ACTG1: variants seen among roughly 807,000 people sequenced by gnomAD.
ACTG1 encodes actin, cytoplasmic 2.
In ACTG1, 14 loss-of-function variants were observed where a neutral mutation model predicts 34.3. The observed-to-expected ratio is 0.41, with a 90% CI of 0.27 to 0.64. ACTG1 has a LOEUF of 0.64. Among genes scored for constraint, ACTG1 ranks in the 30% least tolerant of loss-of-function variants. The pLI is 0.33. For missense variants in ACTG1, 233 were observed against 529.5 expected, an observed-to-expected ratio of 0.44 and a Z score of 5.50; for synonymous variants, 422 against 213.9, an observed-to-expected ratio of 1.97 and a Z score of -8.49.
At chr17:81,511,818 G>C (rs143884334) in intron 3 of ACTG1, 85 bp downstream of exon 3, 26 of 1,602,496 alleles carry the variant, frequency 1.6e-5, no homozygotes, top group East Asian at 4.5e-5. Flanking sequence ...AACAGCGAAA[G>C]AAACACTTAA....
At position 81,510,894 on chromosome 17, in the gene ACTG1, G is replaced by A. The variant is rs1416178176; in HGVS notation, c.984+33C>T. ...AGCGCCCCCCAGTCAGCTCTCCCGA[G>A]CCAGGCAGAGGGCCACCAACCCCTC... On this transcript the variant is annotated intron_variant, in intron 5 of 5. Coordinates refer to ENST00000573283, the MANE Select transcript of ACTG1 (RefSeq NM_001614.5). 9 of 1,613,610 alleles carry A rather than the reference G, an allele frequency of 5.6e-6. No homozygotes were observed. In the African/African-American group the frequency reaches 1.1e-4, roughly 19 times the overall value.
Position 81,512,380 on chromosome 17 carries a change from C to G in ACTG1, c.-6-20G>C, listed in dbSNP as rs782349588. On this transcript the variant is annotated intron_variant, in intron 1 of 5. Transcript: ENST00000573283. ...TGCGACCTGCCCGGAAAAGGATGGA[C>G]TCAGGCGGGCGCGTCTGTAACACGG... 1 of 1,613,834 alleles carries G rather than the reference C, an allele frequency of 6.2e-7. No homozygotes were observed. Among genetic ancestry groups the G allele is most frequent in the Non-Finnish European group, 8.5e-7 (1 of 1,179,936 alleles).
rs1251362915 is a variant in ACTG1 at position 81,512,718 on chromosome 17, G to T, written c.-7+16C>A. The T allele has an allele frequency of 2.5e-6, 1 of 406,774 alleles. No individual in the cohort carries two copies. Among genetic ancestry groups the T allele is most frequent in the Non-Finnish European group, 4.7e-6 (1 of 212,026 alleles). The allele number at this position is 406,774 out of a possible 1,614,324, so 25.2% of individuals were successfully genotyped here. A position where few individuals can be genotyped will look rare whatever the true frequency, so the allele number is the denominator to read the frequency against. ...GCCTGCGACGTCCAGCTCAGGCCCC[G>T]GGGCGGGGCGCTCACCGGCAGAGAA... On this transcript the variant is annotated intron_variant, in intron 1 of 5. Coordinates refer to ENST00000573283, the MANE Select transcript of ACTG1 (RefSeq NM_001614.5).
At chr17:81,511,816 A>G (rs2031808948) in intron 3 of ACTG1, 87 bp downstream of exon 3, 1 of 1,602,056 alleles carries the variant, frequency 6.2e-7, no homozygotes, top group East Asian at 2.2e-5. Context: ...GGAACAGCGA[A>G]AGAAACACTT....
chr17:81,510,516 A>G lies in ACTG1; in HGVS notation c.*174T>C, dbSNP rs1242109322. ...TTAACTTCAATACAAGGTCAAAATC[A>G]GCAACAAGTTCTACAATCCAGTGCT... is the stretch of plus-strand genomic sequence containing the variant. On this transcript the variant is annotated 3_prime_UTR_variant, in exon 6 of 6. Transcript: ENST00000573283. 7 of 853,312 alleles carry G rather than the reference A, an allele frequency of 8.2e-6. No homozygotes were observed. Among genetic ancestry groups the G allele is most frequent in the Non-Finnish European group, 1.9e-6 (1 of 515,302 alleles). 52.9% of individuals were successfully genotyped at this position (853,312 alleles called of 1,614,324 possible).
Position 81,511,044 on chromosome 17 carries a change from G to A in ACTG1, c.867C>T (p.Ile289=), listed in dbSNP as rs1555666502. Residue 289 remains isoleucine (I), a synonymous_variant, in exon 5 of 6, where the codon ATC becomes ATT. Coordinates refer to ENST00000573283, the MANE Select transcript of ACTG1 (RefSeq NM_001614.5). The part of the protein sequence containing the change: ...FNSIMKCDVD[I]RKDLYANTVL... Reference sequence around the variant, plus strand: ...CCGTGTTGGCGTACAGGTCTTTGCGGATGTCCACGTCACACTTCATGATGG... The same window carrying A: ...CCGTGTTGGCGTACAGGTCTTTGCGAATGTCCACGTCACACTTCATGATGG... 11 of 1,614,064 alleles carry A rather than the reference G, an allele frequency of 6.8e-6. No individual in the cohort carries two copies. Among genetic ancestry groups the A allele is most frequent in the Non-Finnish European group, 9.3e-6 (11 of 1,180,032 alleles).
intron 1 of ACTG1, 178 bp from the exon 2 acceptor site, chr17:81,512,538 C>G (rs1289929506): frequency 9.6e-6 from 10 of 1,044,606 alleles, no homozygotes; most frequent in South Asian, 1.4e-5. Flanking sequence ...GTCCACGGCT[C>G]GGAAGTCTGC....
Position 81,510,393 on chromosome 17 carries a change from C to T in ACTG1, c.*297G>A, listed in dbSNP as rs2143771022. 2 of 503,820 alleles carry T rather than the reference C, an allele frequency of 4.0e-6. No individual in the cohort carries two copies. Among genetic ancestry groups the T allele is most frequent in the Non-Finnish European group, 7.4e-6 (2 of 270,112 alleles). The allele number at this position is 503,820 out of a possible 1,614,324, so 31.2% of individuals were successfully genotyped here. On this transcript the variant is annotated 3_prime_UTR_variant, in exon 6 of 6. Coordinates refer to ENST00000573283, the MANE Select transcript of ACTG1 (RefSeq NM_001614.5). ...AAGCCACAGACTTGTCTTCCACAAG[C>T]ACGTTCTTACCTTAGCCACGAAGTG...
Position 81,510,803 on chromosome 17 carries a change from C to CCGAGTACTTG in ACTG1, c.1005_1014dup (p.Val339GlnfsTer23). The CCGAGTACTTG allele has an allele frequency of 6.2e-7, 1 of 1,614,016 alleles. No individual in the cohort carries two copies. The highest frequency in any genetic ancestry group is 8.5e-7 in the Non-Finnish European group (1 of 1,180,002). ...GCCAGGATGGAGCCACCGATCCACACCGAGTACTTGCGCTCTGGGGGTGCG... is the reference window on the plus strand; with the variant it reads ...GCCAGGATGGAGCCACCGATCCACACCGAGTACTTGCGAGTACTTGCGCTCTGGGGGTGCG... On this transcript the variant is annotated frameshift_variant, in exon 6 of 6. Coordinates refer to ENST00000573283, the MANE Select transcript of ACTG1 (RefSeq NM_001614.5). LOFTEE classifies it high-confidence loss of function.
chr17:81,510,873 C>A (rs1246380616), intron 5 of ACTG1, 40 bp from the exon 6 acceptor site: 8 of 853,510 alleles, frequency 9.4e-6, no homozygotes, highest in Admixed American at 9.1e-5. Flanking sequence ...TCACAGAGCG[C>A]CCCCCAGTCA....
intron 1 of ACTG1, 43 bp from the exon 2 acceptor site, chr17:81,512,403 C>T (rs1555667352): frequency 6.2e-7 from 1 of 1,613,540 alleles, no homozygotes; most frequent in Non-Finnish European, 8.5e-7. Flanking sequence ...GTCTGTAACA[C>T]GGTCCCCTCC....
At chr17:81,511,827 AAAT>A in intron 3 of ACTG1, 73 bp downstream of exon 3, 1 of 1,607,172 alleles carries the variant, frequency 6.2e-7, no homozygotes. Flanking sequence ...AGAAACACTT[AAAT>A]GTCAGAAATC....
chr17:81,511,682 G>A (rs1598549340), intron 3 of ACTG1, 56 bp from the exon 4 acceptor site: 2 of 1,567,750 alleles, frequency 1.3e-6, no homozygotes, highest in Admixed American at 1.7e-5. Flanking sequence ...GCCACCCCAT[G>A]CTCACACGCC....
intron 3 of ACTG1, 46 bp downstream of exon 3, chr17:81,511,857 G>C: frequency 6.2e-7 from 1 of 1,611,914 alleles, no homozygotes; most frequent in East Asian, 2.2e-5. Flanking sequence ...GGCAGAAAAT[G>C]ACTGGGGAAA....
At chr17:81,512,686 G>C (rs782713375) in intron 1 of ACTG1, 48 bp downstream of exon 1, 1 of 399,556 alleles carries the variant, frequency 2.5e-6, no homozygotes, top group South Asian at 2.0e-5. Context: ...GGGGTCGGGG[G>C]GCGCAGGCCT....
chr17:81,510,887 C>T, intron 5 of ACTG1, 40 bp downstream of exon 5: 1 of 1,613,746 alleles, frequency 6.2e-7, no homozygotes, highest in Non-Finnish European at 8.5e-7. Flanking sequence ...CCAGTCAGCT[C>T]TCCCGAGCCA....
In ACTG1 at chr17:81,512,277, A is replaced by G. The variant is rs11549228; in HGVS notation, c.78T>C (p.Ala26=). ...CGATGGAAGGAAACACGGCTCGGGG[A>G]GCGTCGTCCCCAGCAAAACCAGCTT... ...MCKAGFAGDD[A]PRAVFPSIVG... is the part of the protein sequence containing the mutation. The change falls in exon 2 of 6, where the codon GCT becomes GCC. Residue 26 remains alanine (A), a synonymous_variant. Transcript: ENST00000573283. The G allele has an allele frequency of 6.2e-7, 1 of 1,613,568 alleles. No individual in the cohort carries two copies. The highest frequency in any genetic ancestry group is 8.5e-7 in the Non-Finnish European group (1 of 1,179,906).
At position 81,510,988 on chromosome 17, in the gene ACTG1, C is replaced by G. The variant is rs1555666480; in HGVS notation, c.923G>C (p.Gly308Ala). ...CTCCTTCTGCATCCTGTCGGCAATGCCCGGGTACATGGTGGTGCCGCCCGA... is the reference window on the plus strand; with the variant it reads ...CTCCTTCTGCATCCTGTCGGCAATGGCCGGGTACATGGTGGTGCCGCCCGA... The part of the protein sequence containing the change: ...VLSGGTTMYP[G>A]IADRMQKEIT... Residue 308 changes from glycine (G) to alanine (A), a missense_variant, in exon 5 of 6, where the codon GGC becomes GCC. Transcript: ENST00000573283. The G allele has an allele frequency of 1.2e-6, 2 of 1,613,960 alleles. No individual in the cohort carries two copies. Among genetic ancestry groups the G allele is most frequent in the African/African-American group, 1.3e-5 (1 of 74,926 alleles).
chr17:81,511,128 CT>C lies in ACTG1; in HGVS notation c.803-21del, dbSNP rs1568060814. On this transcript the variant is annotated intron_variant, in intron 4 of 5. Transcript: ENST00000573283. The stretch of plus-strand genomic sequence containing the variant: ...CCATACCTAGGGGACAGAGCCCTCC[CT>C]TAGTGATGCTGTGTCACCGAGGATG... 1 of 1,613,876 alleles carries C rather than the reference CT, an allele frequency of 6.2e-7. No individual in the cohort carries two copies. Among genetic ancestry groups the C allele is most frequent in the Non-Finnish European group, 8.5e-7 (1 of 1,180,028 alleles).
Sources: gnomAD v4.1 joint callset for allele counts on GRCh38, gnomAD v4.1.1 for gene constraint, MANE v1.5 for transcripts, NCBI Gene and HGNC (gene_info 2026-07-23, HGNC 2026-07-21) for gene names.